The following PCDHGB7 variants were observed in gnomAD, a reference collection of about 807,000 sequenced individuals.
PCDHGB7 encodes protocadherin gamma-B7.
A neutral mutation model predicts 61.4 loss-of-function variants in PCDHGB7; 37 were observed. The observed-to-expected ratio is 0.60, with a 90% CI of 0.46 to 0.79. The LOEUF (loss-of-function observed/expected upper bound fraction) is 0.79. PCDHGB7 is among the 30% of genes least tolerant of loss of function. The pLI, the probability that PCDHGB7 is intolerant of heterozygous loss-of-function variation, is 0.00. For missense variants in PCDHGB7, 1,166 were observed against 1,202.5 expected (o/e 0.97, Z 0.45); for synonymous variants, 464 against 503.5 (o/e 0.92, Z 1.05).
In PCDHGB7 at chr5:141,510,976, G is replaced by A. The variant is rs752758180; in HGVS notation, c.2593G>A (p.Gly865Arg). The change falls in exon 4 of 4, where the codon GGG (glycine) becomes AGG (arginine). Residue 865 changes from glycine to arginine, a missense_variant. Gly to Arg is a moderately radical substitution (Grantham distance 125, BLOSUM62 -2). Transcript: ENST00000398594. ...EAADGSSTLG[G>R]GAGTMGLSAR... ...TGCTGATGGGAGCTCCACCCTGGGA[G>A]GGGGTGCCGGCACCATGGGATTGAG... The A allele has an allele frequency of 5.0e-6, 8 of 1,614,046 alleles. No individual in the cohort carries two copies. The highest frequency in any genetic ancestry group is 6.8e-6 in the Non-Finnish European group (8 of 1,180,022).
Position 141,432,972 on chromosome 5 carries a change from C to T in PCDHGB7, c.2415+12698C>T. 1 of 1,614,218 alleles carries T rather than the reference C, an allele frequency of 6.2e-7. No homozygotes were observed. Among genetic ancestry groups the T allele is most frequent in the African/African-American group, 1.3e-5 (1 of 75,058 alleles). ...GGCGGCTTGACAGGAGCGCCGGCGT[C>T]GCACTTTGTGGGCGTGGACGGGGTG... On this transcript the variant is annotated intron_variant, in intron 1 of 3. Coordinates refer to ENST00000398594, the MANE Select transcript of PCDHGB7 (RefSeq NM_018927.4). This position sits in a 1 kb window ranked among gnomAD's most constrained non-coding sequence, Gnocchi z 6.0.
rs891428609 is a variant in PCDHGB7, at chr5:141,503,553, C to T, written c.2475-1840C>T. Among the ~76,000 whole-genome samples the T allele has an allele frequency of 9.4e-5, 14 of 149,164 alleles. No homozygotes were observed. In the East Asian group the frequency reaches 2.2e-3, roughly 23 times the overall value. On this transcript the variant is annotated intron_variant, in intron 2 of 3. Coordinates refer to ENST00000398594, the MANE Select transcript of PCDHGB7 (RefSeq NM_018927.4). ...GGCAGAGGTTGCAGTGAGCCGAGAT[C>T]GCGCCACTGTACTCCAGCCTGGGTG...
At position 141,500,368 on chromosome 5, in the gene PCDHGB7, C is replaced by T. The variant is rs181410708; in HGVS notation, c.2475-5025C>T. Among the ~76,000 whole-genome samples, 364 of 152,050 alleles carry T rather than the reference C, an allele frequency of 2.4e-3. 3 individuals carry two copies. The highest frequency in any genetic ancestry group is 9.2e-3 in the Admixed American group (140 of 15,274). ...GGACTACAGGCGCCCACTACCACGCCCGGCTAATTATTTTGTATTTTTAGT... is the reference window on the plus strand; with the variant it reads ...GGACTACAGGCGCCCACTACCACGCTCGGCTAATTATTTTGTATTTTTAGT... On this transcript the variant is annotated intron_variant, in intron 2 of 3. Transcript: ENST00000398594.
Position 141,511,176 on chromosome 5 carries a change from T to C in PCDHGB7, c.*3T>C, listed in dbSNP as rs375508988. On this transcript the variant is annotated 3_prime_UTR_variant, in exon 4 of 4. Transcript: ENST00000398594. ...CGGGCAAGAAGGAGAAGAAGTAACA[T>C]GGAGGCCAGGCCAAGAGCCACAGGG... 198 of 1,614,046 alleles carry C rather than the reference T, an allele frequency of 1.2e-4. 1 individual carries two copies. The highest frequency in any genetic ancestry group is 6.5e-5 in the Non-Finnish European group (77 of 1,179,964).
intron 1 of PCDHGB7, among the ~76,000 whole-genome samples, chr5:141,425,967 G>A (rs1021171082): frequency 2.0e-5 from 3 of 152,214 alleles, no homozygotes; most frequent in Non-Finnish European, 4.4e-5. Flanking sequence ...CAACACATCA[G>A]TCTAATTCTG....
chr5:141,462,078 C>T (rs2154567608), intron 1 of PCDHGB7, among the ~76,000 whole-genome samples: 1 of 152,304 alleles, frequency 6.6e-6, no homozygotes, highest in East Asian at 1.9e-4. Flanking sequence ...CCGCCTTGGC[C>T]TCCCAAAATG....
At chr5:141,455,860 ATTATTTATTTATTTATTTAT>A (rs145569377) in intron 1 of PCDHGB7, among the ~76,000 whole-genome samples, 117 of 139,848 alleles carry the variant, frequency 8.4e-4, no homozygotes, top group Non-Finnish European at 9.4e-4. Flanking sequence ...AATTTCTTTT[ATTATTTATTTATTTATTTAT>A]TTATTTATTT....
At chr5:141,469,629 C>T (rs933972587) in intron 1 of PCDHGB7, among the ~76,000 whole-genome samples, 1 of 152,070 alleles carries the variant, frequency 6.6e-6, no homozygotes, top group Admixed American at 6.6e-5. Context: ...GTTTGTAGTT[C>T]CAAAATATTT....
intron 2 of PCDHGB7, among the ~76,000 whole-genome samples, chr5:141,496,335 C>G (rs2099768099): frequency 1.3e-5 from 2 of 152,204 alleles, no homozygotes; most frequent in Admixed American, 6.5e-5. Flanking sequence ...AAGTCAGGAG[C>G]CTGGAGGAGT....
At chr5:141,472,807 G>T (rs573078292) in intron 1 of PCDHGB7, among the ~76,000 whole-genome samples, 43 of 151,782 alleles carry the variant, frequency 2.8e-4, no homozygotes, top group African/African-American at 1.0e-3. Flanking sequence ...CCAACATGGA[G>T]AAACCCCCGT....
chr5:141,434,401 T>C (rs1036239430), intron 1 of PCDHGB7, among the ~76,000 whole-genome samples: 2 of 152,242 alleles, frequency 1.3e-5, no homozygotes. Context: ...ACAAAATCTC[T>C]GCAGCACTGT....
chr5:141,502,250 TA>T (rs2099813542), intron 2 of PCDHGB7, among the ~76,000 whole-genome samples: 1 of 152,242 alleles, frequency 6.6e-6, no homozygotes, highest in African/African-American at 2.4e-5. Flanking sequence ...TCCTTTTTTT[TA>T]ATCCAGGATT....
intron 2 of PCDHGB7, among the ~76,000 whole-genome samples, chr5:141,495,407 C>T: frequency 6.6e-6 from 1 of 152,218 alleles, no homozygotes; most frequent in East Asian, 1.9e-4. Flanking sequence ...AGGCCCCCTT[C>T]TCCGGCCCCT....
chr5:141,469,881 G>A (rs922510082), intron 1 of PCDHGB7, among the ~76,000 whole-genome samples: 11 of 152,056 alleles, frequency 7.2e-5, no homozygotes, highest in Admixed American at 3.3e-4. Context: ...CTGTAATCTC[G>A]GCACTTTGGG....
chr5:141,443,848 G>A lies in PCDHGB7; in HGVS notation c.2415+23574G>A, dbSNP rs528933391. 2.6e-5 allele frequency among the ~76,000 whole-genome samples: 4 copies of A among 152,272 alleles called. No individual in the cohort carries two copies. The South Asian group carries it at 8.3e-4, about 32-fold the overall frequency. ...TTAGGTAAAATGGGTAATATGGAAA[G>A]TCTGAAAACTGAAAAAATTACTGAT... On this transcript the variant is annotated intron_variant, in intron 1 of 3. Transcript: ENST00000398594.
chr5:141,491,529 G>C lies in PCDHGB7; in HGVS notation c.2416-3278G>C. 1 of 1,614,040 alleles carries C rather than the reference G, an allele frequency of 6.2e-7. No individual in the cohort carries two copies. The highest frequency in any genetic ancestry group is 1.1e-5 in the South Asian group (1 of 91,080). On this transcript the variant is annotated intron_variant, in intron 1 of 3. Coordinates refer to ENST00000398594, the MANE Select transcript of PCDHGB7 (RefSeq NM_018927.4). The surrounding 1 kb of genome is among the most constrained non-coding windows in gnomAD (Gnocchi z 6.9). ...GCACGCTCAAGTACATGGAGGTGACGCTGCGGCCCACAGACTCGCAGAGCC... is the reference window on the plus strand; with the variant it reads ...GCACGCTCAAGTACATGGAGGTGACCCTGCGGCCCACAGACTCGCAGAGCC...
chr5:141,505,509 G>A (rs778054090), intron 3 of PCDHGB7, 28 bp downstream of exon 3: 1 of 1,613,940 alleles, frequency 6.2e-7, no homozygotes, highest in Non-Finnish European at 8.5e-7. Context: ...GTGTATGGAA[G>A]AGTGGGAGAC....
intron 1 of PCDHGB7, chr5:141,441,982 G>T: frequency 3.6e-6 from 1 of 277,096 alleles, no homozygotes; most frequent in South Asian, 3.6e-5. Flanking sequence ...CCTGGAATGC[G>T]CACCGACGAG....
At chr5:141,496,329 C>T (rs1435070517) in intron 2 of PCDHGB7, among the ~76,000 whole-genome samples, 2 of 152,186 alleles carry the variant, frequency 1.3e-5, no homozygotes, top group South Asian at 4.1e-4. Context: ...AGTTAGAAGT[C>T]AGGAGCCTGG....
Sources: gnomAD v4.1 joint callset for allele counts (sites outside exome capture counted in the v4.1 genomes callset) on GRCh38, gnomAD v4.1.1 for gene constraint, Gnocchi (gnomAD v3.1) non-coding constraint, MANE v1.5 for transcripts, NCBI Gene and HGNC (gene_info 2026-07-23, HGNC 2026-07-21) for gene names.